Variants in RBPMS observed in about 807,000 individuals in gnomAD.
The protein encoded by RBPMS is RNA-binding protein with multiple splicing.
RBPMS carries 7 observed loss-of-function variants against 26.8 expected under a neutral mutation model. The observed-to-expected ratio is 0.26, with a 90% CI of 0.15 to 0.49. RBPMS has a LOEUF of 0.49. RBPMS is among the 20% of genes least tolerant of loss of function. The pLI is 0.98. For missense variants in RBPMS, 186 were observed against 250.0 expected (o/e 0.74, Z 1.73); for synonymous variants, 96 against 93.3 (o/e 1.03, Z -0.17).
At chr8:30,435,026 A>G (rs1393259234) in intron 1 of RBPMS, among the ~76,000 whole-genome samples, 5 of 151,960 alleles carry the variant, frequency 3.3e-5, no homozygotes, top group Non-Finnish European at 4.4e-5. Context: ...CCATCCATCC[A>G]TCCATCCATC....
intron 1 of RBPMS, among the ~76,000 whole-genome samples, chr8:30,462,169 T>C (rs1313707040): frequency 1.3e-5 from 2 of 152,228 alleles, no homozygotes; most frequent in East Asian, 3.9e-4. Flanking sequence ...TTGGAAATTG[T>C]GTAGTTTGAT....
intron 7 of RBPMS, among the ~76,000 whole-genome samples, chr8:30,559,339 G>A (rs1186032759): frequency 6.6e-6 from 1 of 152,232 alleles, no homozygotes; most frequent in East Asian, 1.9e-4. Context: ...TTACACAGTA[G>A]TTGATTATGG....
chr8:30,556,331 CT>C (rs1826909118), intron 6 of RBPMS: 4 of 985,688 alleles, frequency 4.1e-6, no homozygotes, highest in Non-Finnish European at 4.8e-6. Flanking sequence ...TGACGAGAGC[CT>C]GAAGACGGGC....
At chr8:30,549,425 A>C in intron 6 of RBPMS, 1 of 1,288,860 alleles carries the variant, frequency 7.8e-7, no homozygotes, top group Non-Finnish European at 1.1e-6. Flanking sequence ...TGTTCTGCCC[A>C]AGGCCTTCCA....
intron 6 of RBPMS, chr8:30,544,845 C>T: frequency 6.6e-7 from 1 of 1,524,708 alleles, no homozygotes; most frequent in Admixed American, 2.0e-5. Context: ...CCCCAAATGA[C>T]ACCTCTCTCT....
At chr8:30,484,041 G>A (rs926557957) in intron 4 of RBPMS, among the ~76,000 whole-genome samples, 2 of 152,116 alleles carry the variant, frequency 1.3e-5, no homozygotes, top group Non-Finnish European at 2.9e-5. Context: ...TGCGAATAAG[G>A]CTGCAGTGAA....
At chr8:30,467,955 T>C (rs1413425363) in intron 1 of RBPMS, among the ~76,000 whole-genome samples, 1 of 151,920 alleles carries the variant, frequency 6.6e-6, no homozygotes, top group Non-Finnish European at 1.5e-5. Context: ...TATTAACATA[T>C]AGATAATTTG....
At chr8:30,495,280 GT>G (rs11331221) in intron 4 of RBPMS, among the ~76,000 whole-genome samples, 20,547 of 128,708 alleles carry the variant, frequency 0.16, 1,925 homozygotes, top group East Asian at 0.41. Context: ...AATTATGAAG[GT>G]TTTTTTTTTT....
At chr8:30,563,956 T>C (rs896831671) in intron 7 of RBPMS, 2 of 152,290 alleles carry the variant, frequency 1.3e-5, no homozygotes, top group African/African-American at 4.8e-5. Context: ...CTGTCCGTCA[T>C]ACCTAAGGCT....
chr8:30,390,817 CCAGGT>C (rs1294853285), intron 1 of RBPMS, among the ~76,000 whole-genome samples: 1 of 152,152 alleles, frequency 6.6e-6, no homozygotes, highest in Non-Finnish European at 1.5e-5. Context: ...TACCCCAGCA[CCAGGT>C]AAATCTCCTC....
At chr8:30,552,872 A>C (rs1216019723) in intron 6 of RBPMS, 1 of 152,234 alleles carries the variant, frequency 6.6e-6, no homozygotes, top group Non-Finnish European at 1.5e-5. Context: ...TCACAGTCCT[A>C]GGACCTTGTC....
At chr8:30,553,981 A>T (rs3779640) in intron 6 of RBPMS, among the ~76,000 whole-genome samples, 120,656 of 152,072 alleles carry the variant, frequency 0.79, 48,149 homozygotes, top group African/African-American at 0.89. Context: ...TTTCACCATA[A>T]TAGCCAGGAT....
chr8:30,445,382 C>T (rs1257301730), intron 1 of RBPMS: 1 of 151,926 alleles, frequency 6.6e-6, no homozygotes, highest in African/African-American at 2.4e-5. Context: ...CTGTAAGATA[C>T]ATAGATTGAC....
chr8:30,483,010 A>G (rs1318056465), intron 4 of RBPMS, among the ~76,000 whole-genome samples: 1 of 152,218 alleles, frequency 6.6e-6, no homozygotes, highest in African/African-American at 2.4e-5. Flanking sequence ...GTTGAAGGGT[A>G]AAGATCCCCA....
intron 3 of RBPMS, 41 bp downstream of exon 3, chr8:30,477,878 T>C (rs1000909691): frequency 1.5e-6 from 2 of 1,371,128 alleles, no homozygotes; most frequent in Non-Finnish European, 1.0e-6. Context: ...ACTTTTTTAC[T>C]TTCCTCAGGA....
chr8:30,442,046 C>T (rs1173289725), intron 1 of RBPMS, among the ~76,000 whole-genome samples: 1 of 152,140 alleles, frequency 6.6e-6, no homozygotes, highest in Non-Finnish European at 1.5e-5. Flanking sequence ...CCTCAGCCTC[C>T]CCAAGTGCTG....
At chr8:30,417,467 GTCA>G (rs1339674887) in intron 1 of RBPMS, among the ~76,000 whole-genome samples, 1 of 152,108 alleles carries the variant, frequency 6.6e-6, no homozygotes, top group African/African-American at 2.4e-5. Context: ...AAACATGAAT[GTCA>G]TCATGTCATC....
rs555829052 is a variant in RBPMS at position 30,535,258 on chromosome 8, A to T, written c.398-9236A>T. Among the ~76,000 whole-genome samples, 3 of 152,336 alleles carry T rather than the reference A, an allele frequency of 2.0e-5. No individual in the cohort carries two copies. The East Asian group carries it at 5.8e-4, about 29-fold the overall frequency. Reference sequence around the variant, plus strand: ...TTAAGTTAGTTGTAGGCACTTTGTAATATCGTTAATTTTAACTAACTTTTC... The same window carrying T: ...TTAAGTTAGTTGTAGGCACTTTGTATTATCGTTAATTTTAACTAACTTTTC... On this transcript the variant is annotated intron_variant, in intron 5 of 8. Coordinates refer to ENST00000397323, the MANE Select transcript of RBPMS (RefSeq NM_001008710.3).
chr8:30,468,655 A>G (rs1486057588), intron 1 of RBPMS, among the ~76,000 whole-genome samples: 2 of 152,180 alleles, frequency 1.3e-5, no homozygotes, highest in African/African-American at 4.8e-5. Flanking sequence ...TTTATAGAAC[A>G]TACACTCTGT....
Sources: gnomAD v4.1 joint callset for allele counts (sites outside exome capture counted in the v4.1 genomes callset) on GRCh38, gnomAD v4.1.1 for gene constraint, MANE v1.5 for transcripts, NCBI Gene and HGNC (gene_info 2026-07-23, HGNC 2026-07-21) for gene names.